MAGI2: variants seen among roughly 807,000 people sequenced by gnomAD.
MAGI2 encodes the protein membrane associated guanylate kinase, WW and PDZ domain containing 2.
In MAGI2, 35 loss-of-function variants were observed where a neutral mutation model predicts 133.3. The ratio of observed to expected loss-of-function variants is 0.26; its 90% CI spans 0.20 to 0.35. The LOEUF (loss-of-function observed/expected upper bound fraction) is 0.35, where lower values mean the gene tolerates loss of function less well. MAGI2 is among the 10% of genes least tolerant of loss of function. The pLI is 1.00. For synonymous variants in MAGI2, 729 were observed against 710.6 expected (o/e 1.03, Z -0.41); for missense variants, 1,636 against 1,863.4 (o/e 0.88, Z 2.25).
At chr7:79,135,997 A>AAGACAGAGAG (rs1156269913) in intron 1 of MAGI2, among the ~76,000 whole-genome samples, 1 of 47,226 alleles carries the variant, frequency 2.1e-5, no homozygotes, top group African/African-American at 5.6e-5. Context: ...GAAAGAAAGA[A>AAGACAGAGAG]AGAAAGAGAA....
At chr7:78,638,489 C>G (rs1409180737) in intron 2 of MAGI2, among the ~76,000 whole-genome samples, 1 of 152,088 alleles carries the variant, frequency 6.6e-6, no homozygotes, top group Non-Finnish European at 1.5e-5. Flanking sequence ...CCATCTTTAC[C>G]TCACTTGCAT....
At chr7:78,199,671 A>G (rs1360909603) in intron 11 of MAGI2, among the ~76,000 whole-genome samples, 2 of 152,222 alleles carry the variant, frequency 1.3e-5, no homozygotes, top group African/African-American at 2.4e-5. Context: ...TACATGGAAG[A>G]CATCAAATCT....
intron 2 of MAGI2, among the ~76,000 whole-genome samples, chr7:78,675,576 G>C (rs2151083053): frequency 6.6e-6 from 1 of 152,226 alleles, no homozygotes; most frequent in African/African-American, 2.4e-5. Flanking sequence ...GGAGAAATCA[G>C]AGTCAGGCTT....
At chr7:78,936,727 G>T (rs1403642838) in intron 2 of MAGI2, among the ~76,000 whole-genome samples, 1 of 152,018 alleles carries the variant, frequency 6.6e-6, no homozygotes, top group African/African-American at 2.4e-5. Flanking sequence ...TAAATATAGT[G>T]TGTATAAGTA....
intron 9 of MAGI2, among the ~76,000 whole-genome samples, chr7:78,298,510 CTG>C (rs1380563917): frequency 2.0e-5 from 3 of 152,126 alleles, no homozygotes; most frequent in Non-Finnish European, 4.4e-5. Context: ...AAATCCAAAA[CTG>C]TTATTGTGTT....
intron 1 of MAGI2, among the ~76,000 whole-genome samples, chr7:79,054,206 TA>T (rs1389013564): frequency 6.6e-6 from 1 of 151,600 alleles, no homozygotes; most frequent in Non-Finnish European, 1.5e-5. Flanking sequence ...AATCAATCAA[TA>T]AAAATAAATA....
intron 9 of MAGI2, among the ~76,000 whole-genome samples, chr7:78,280,016 C>A (rs903341261): frequency 1.3e-5 from 2 of 152,160 alleles, no homozygotes; most frequent in Non-Finnish European, 2.9e-5. Flanking sequence ...TAATCAAACC[C>A]AGCTTCACCA....
intron 1 of MAGI2, among the ~76,000 whole-genome samples, chr7:79,296,707 T>C (rs1836957236): frequency 6.6e-6 from 1 of 151,956 alleles, no homozygotes; most frequent in South Asian, 2.1e-4. Context: ...AGTAGAATGG[T>C]GGTTGTCAGA....
chr7:78,320,485 T>C (rs919098720), intron 9 of MAGI2, among the ~76,000 whole-genome samples: 2 of 152,104 alleles, frequency 1.3e-5, no homozygotes, highest in Non-Finnish European at 2.9e-5. Context: ...AATCAATAAA[T>C]GTAATCCATC....
chr7:78,740,116 G>A lies in MAGI2; in HGVS notation c.419-112877C>T, dbSNP rs189290867. Among the ~76,000 whole-genome samples, 411 of 151,412 alleles carry A rather than the reference G, an allele frequency of 2.7e-3. 1 individual carries two copies. Among genetic ancestry groups the A allele is most frequent in the African/African-American group, 3.2e-3 (131 of 41,238 alleles). ...GTGGAGCTTGCAGTGAGCCGAGATC[G>A]CGCCACTGCACTCCAGCCTGGGTGA... On this transcript the variant is annotated intron_variant, in intron 2 of 21. Coordinates refer to ENST00000354212, the MANE Select transcript of MAGI2 (RefSeq NM_012301.4).
At chr7:78,496,685 T>C (rs1794114544) in intron 5 of MAGI2, among the ~76,000 whole-genome samples, 1 of 152,192 alleles carries the variant, frequency 6.6e-6, no homozygotes, top group Non-Finnish European at 1.5e-5. Flanking sequence ...AATGTTAATT[T>C]GTCCAAGGAT....
chr7:79,063,980 G>A (rs989192251), intron 1 of MAGI2, among the ~76,000 whole-genome samples: 2 of 151,964 alleles, frequency 1.3e-5, no homozygotes, highest in South Asian at 2.1e-4. Flanking sequence ...ATCAAACTTC[G>A]TGAACGTGTG....
chr7:78,652,212 T>C (rs1811650984), intron 2 of MAGI2, among the ~76,000 whole-genome samples: 1 of 152,170 alleles, frequency 6.6e-6, no homozygotes, highest in South Asian at 2.1e-4. Flanking sequence ...GTTATAGATC[T>C]CCAGTCTCAA....
At chr7:79,222,452 A>G (rs1360345679) in intron 1 of MAGI2, among the ~76,000 whole-genome samples, 2 of 152,222 alleles carry the variant, frequency 1.3e-5, no homozygotes, top group East Asian at 1.9e-4. Flanking sequence ...AAAACAGACT[A>G]TATTACAGGA....
chr7:78,769,591 T>C (rs1294172909), intron 2 of MAGI2, among the ~76,000 whole-genome samples: 1 of 151,920 alleles, frequency 6.6e-6, no homozygotes, highest in Non-Finnish European at 1.5e-5. Context: ...TCAGAGCAAA[T>C]CACAATGCTG....
intron 2 of MAGI2, among the ~76,000 whole-genome samples, chr7:78,899,916 C>T (rs1466916465): frequency 6.6e-6 from 1 of 152,158 alleles, no homozygotes; most frequent in African/African-American, 2.4e-5. Flanking sequence ...TTAGAGATTT[C>T]TTTACTCTCA....
At chr7:79,097,380 C>T (rs965449078) in intron 1 of MAGI2, among the ~76,000 whole-genome samples, 1 of 152,068 alleles carries the variant, frequency 6.6e-6, no homozygotes, top group Admixed American at 6.6e-5. Context: ...CCATTTTTTG[C>T]TGTTACTGAA....
At chr7:78,242,450 T>C (rs778709103) in intron 10 of MAGI2, among the ~76,000 whole-genome samples, 68 of 152,096 alleles carry the variant, frequency 4.5e-4, no homozygotes, top group Non-Finnish European at 7.8e-4. Context: ...CTTCATGGTG[T>C]ATTTGTTAAT....
chr7:78,360,900 A>G (rs1456228749), intron 7 of MAGI2, among the ~76,000 whole-genome samples: 2 of 152,238 alleles, frequency 1.3e-5, no homozygotes, highest in African/African-American at 2.4e-5. Context: ...CTTTGGCAGC[A>G]GAGAACATGG....
Sources: allele counts gnomAD v4.1 joint callset (sites outside exome capture counted in the v4.1 genomes callset), GRCh38; gene constraint gnomAD v4.1.1; transcripts MANE v1.5; gene names NCBI Gene and HGNC (gene_info 2026-07-23, HGNC 2026-07-21).